SAMD5: variants seen among roughly 807,000 people sequenced by gnomAD.
SAMD5 encodes the protein sterile alpha motif domain containing 5.
Under a neutral mutation model 11.3 loss-of-function variants are expected in SAMD5, and 13 were observed. The observed-to-expected ratio is 1.15, with a 90% CI of 0.75 to 1.83. The LOEUF (loss-of-function observed/expected upper bound fraction) is 1.83, where lower values mean the gene tolerates loss of function less well. SAMD5 is among the 40% of genes most tolerant of loss of function. The pLI, the probability that SAMD5 is intolerant of heterozygous loss-of-function variation, is 0.00. For synonymous variants in SAMD5, 129 were observed against 111.3 expected (o/e 1.16, Z -1.00); for missense variants, 255 against 239.1 (o/e 1.07, Z -0.44).
chr6:147,736,651 A>G (rs1239237747), intron 1 of SAMD5, among the ~76,000 whole-genome samples: 1 of 152,160 alleles, frequency 6.6e-6, no homozygotes. Context: ...GGGCTTGGGC[A>G]TTGGGGATGA....
At chr6:147,822,329 T>A in the SAMD5 span, among the ~76,000 whole-genome samples, 7 of 152,210 alleles carry the variant, frequency 4.6e-5, no homozygotes, top group Non-Finnish European at 8.8e-5. Flanking sequence ...ATCATCATTG[T>A]CTTGGTTATT....
intron 1 of SAMD5, among the ~76,000 whole-genome samples, chr6:147,657,989 T>G (rs1405950312): frequency 1.3e-5 from 2 of 152,262 alleles, no homozygotes; most frequent in East Asian, 1.9e-4. Flanking sequence ...TCTTTGCATT[T>G]TTCAAAAGTT....
chr6:147,588,872 A>G (rs1789413532), intron 1 of SAMD5, among the ~76,000 whole-genome samples: 1 of 152,098 alleles, frequency 6.6e-6, no homozygotes, highest in African/African-American at 2.4e-5. Flanking sequence ...CAGTACTTCA[A>G]TTCGTGAAAT....
At chr6:147,592,270 C>T (rs903786155) in intron 1 of SAMD5, among the ~76,000 whole-genome samples, 5 of 152,118 alleles carry the variant, frequency 3.3e-5, no homozygotes, top group African/African-American at 1.2e-4. Flanking sequence ...AAAGACCTAC[C>T]TTTTCTCCTA....
chr6:147,573,729 C>T (rs1460445189), downstream of SAMD5, among the ~76,000 whole-genome samples: 5 of 152,112 alleles, frequency 3.3e-5, no homozygotes, highest in Non-Finnish European at 5.9e-5. Context: ...AACACAAGTC[C>T]TTACTACATA....
At chr6:147,694,417 G>T (rs1791146350) in intron 1 of SAMD5, among the ~76,000 whole-genome samples, 1 of 152,126 alleles carries the variant, frequency 6.6e-6, no homozygotes. Flanking sequence ...TTATGATTTT[G>T]CTCATGGGAT....
chr6:147,651,021 A>G (rs756547840), intron 1 of SAMD5, among the ~76,000 whole-genome samples: 8 of 152,226 alleles, frequency 5.3e-5, no homozygotes, highest in South Asian at 2.1e-4. Flanking sequence ...AGTTGAATAA[A>G]TGGTAGCTAA....
intron 1 of SAMD5, among the ~76,000 whole-genome samples, chr6:147,736,185 T>C (rs754945464): frequency 6.6e-6 from 1 of 152,182 alleles, no homozygotes; most frequent in African/African-American, 2.4e-5. Context: ...AAAGTGAAGA[T>C]AGTAGTATTA....
the SAMD5 span, among the ~76,000 whole-genome samples, chr6:147,755,421 G>A: frequency 3.5e-3 from 532 of 152,228 alleles, 4 homozygotes; most frequent in African/African-American, 0.012. Flanking sequence ...CATAAAAGCT[G>A]AAGTTGTCAT....
At chr6:147,912,861 A>T in the SAMD5 span, among the ~76,000 whole-genome samples, 1 of 152,144 alleles carries the variant, frequency 6.6e-6, no homozygotes, top group Admixed American at 6.5e-5. Context: ...AAATAAGGGA[A>T]ATTATTAAAA....
Position 147,554,477 on chromosome 6 carries a change from A to G in SAMD5, c.460-9917A>G, listed in dbSNP as rs578239428. On this transcript the variant is annotated intron_variant, in intron 1 of 1. Coordinates refer to ENST00000367474, the MANE Select transcript of SAMD5 (RefSeq NM_001030060.3). Reference sequence around the variant, plus strand: ...TGGGGAACTGAGCTTGGTTGCCAGGAGGCCACAGGCTATTTTGATATGGCA... The same window carrying G: ...TGGGGAACTGAGCTTGGTTGCCAGGGGGCCACAGGCTATTTTGATATGGCA... 5.3e-5 allele frequency among the ~76,000 whole-genome samples: 8 copies of G among 152,342 alleles called. No homozygotes were observed. In the East Asian group the frequency reaches 1.2e-3, roughly 22 times the overall value.
At chr6:147,870,431 GGTGTGTGTGTGTGTGTGA>G in the SAMD5 span, among the ~76,000 whole-genome samples, 10 of 138,300 alleles carry the variant, frequency 7.2e-5, no homozygotes, top group South Asian at 2.3e-4. Flanking sequence ...CATCCCCTTT[GGTGTGTGTGTGTGTGTGA>G]GTGTGTGTGT....
intron 1 of SAMD5, among the ~76,000 whole-genome samples, chr6:147,531,812 T>A (rs1247816900): frequency 9.2e-5 from 14 of 152,168 alleles, no homozygotes; most frequent in Admixed American, 5.2e-4. Context: ...CTAGAAAAAA[T>A]TAATTTTATT....
chr6:147,855,202 C>T, the SAMD5 span, among the ~76,000 whole-genome samples: 21 of 151,824 alleles, frequency 1.4e-4, no homozygotes, highest in Non-Finnish European at 2.2e-4. Flanking sequence ...TTTGGATTGA[C>T]GACATAAAAT....
At chr6:147,942,296 CT>C in the SAMD5 span, among the ~76,000 whole-genome samples, 1 of 152,214 alleles carries the variant, frequency 6.6e-6, no homozygotes, top group African/African-American at 2.4e-5. Context: ...AGATCTGGCA[CT>C]CCCAAGCTTT....
At chr6:147,719,049 G>T (rs1305203518) in intron 1 of SAMD5, among the ~76,000 whole-genome samples, 1 of 152,204 alleles carries the variant, frequency 6.6e-6, no homozygotes, top group Non-Finnish European at 1.5e-5. Flanking sequence ...AGATACCAAT[G>T]ACTTTTGCTG....
the SAMD5 span, among the ~76,000 whole-genome samples, chr6:147,912,908 T>A: frequency 6.6e-6 from 1 of 151,064 alleles, no homozygotes; most frequent in Non-Finnish European, 1.5e-5. Flanking sequence ...AAAAAAAAAA[T>A]CAAGAAAAAT....
the SAMD5 span, among the ~76,000 whole-genome samples, chr6:147,939,368 G>A: frequency 2.0e-5 from 3 of 152,110 alleles, no homozygotes; most frequent in Admixed American, 6.5e-5. Flanking sequence ...GTTGAGGGTG[G>A]GTGTGGAAGG....
At chr6:147,546,686 A>G (rs566120356) in intron 1 of SAMD5, among the ~76,000 whole-genome samples, 1 of 152,272 alleles carries the variant, frequency 6.6e-6, no homozygotes, top group Admixed American at 6.5e-5. Context: ...AGGAAAATCA[A>G]ATGGCATTAG....
Sources: gnomAD v4.1 joint callset for allele counts (sites outside exome capture counted in the v4.1 genomes callset) on GRCh38, gnomAD v4.1.1 for gene constraint, MANE v1.5 for transcripts, NCBI Gene and HGNC (gene_info 2026-07-23, HGNC 2026-07-21) for gene names.